CDH20: variants seen among roughly 807,000 people sequenced by gnomAD.
The protein encoded by CDH20 is cadherin 20.
A neutral mutation model predicts 74.2 loss-of-function variants in CDH20; 29 were observed. That is an observed-to-expected ratio of 0.39 (90% CI 0.29 to 0.53). CDH20 has a LOEUF of 0.53. Among genes scored for constraint, CDH20 ranks in the 20% least tolerant of loss-of-function variants. The pLI, the probability that CDH20 is intolerant of heterozygous loss-of-function variation, is 0.69. For missense variants in CDH20, 988 were observed against 1,048.3 expected, an observed-to-expected ratio of 0.94 and a Z score of 0.79; for synonymous variants, 469 against 405.4, an observed-to-expected ratio of 1.16 and a Z score of -1.88.
At chr18:61,375,708 G>A (rs1911199439) in intron 1 of CDH20, among the ~76,000 whole-genome samples, 1 of 151,990 alleles carries the variant, frequency 6.6e-6, no homozygotes, top group African/African-American at 2.4e-5. Context: ...TCCCTAGGAG[G>A]TACTATTCAT....
chr18:61,341,892 T>C (rs749203736), intron 1 of CDH20, among the ~76,000 whole-genome samples: 1 of 152,238 alleles, frequency 6.6e-6, no homozygotes, highest in Non-Finnish European at 1.5e-5. Flanking sequence ...TCTACCTTTA[T>C]GCTTAGCTGA....
At chr18:61,345,190 G>T (rs2144099562) in intron 1 of CDH20, among the ~76,000 whole-genome samples, 1 of 152,310 alleles carries the variant, frequency 6.6e-6, no homozygotes, top group Admixed American at 6.5e-5. Flanking sequence ...GCTTTCTAAA[G>T]TTATTGCTGC....
intron 1 of CDH20, among the ~76,000 whole-genome samples, chr18:61,343,519 C>A (rs922879507): frequency 1.3e-5 from 2 of 152,094 alleles, no homozygotes; most frequent in African/African-American, 4.8e-5. Flanking sequence ...TTTAGATACC[C>A]AGTGTTTCCA....
chr18:61,396,501 C>G (rs1386260069), intron 1 of CDH20, among the ~76,000 whole-genome samples: 1 of 152,088 alleles, frequency 6.6e-6, no homozygotes, highest in Admixed American at 6.6e-5. Flanking sequence ...CTGATATTTC[C>G]AGAATCAACA....
Position 61,554,434 on chromosome 18 carries a change from G to A in CDH20, c.2145G>A (p.Thr715=), listed in dbSNP as rs35315610. 805 of 1,613,314 alleles carry A rather than the reference G, an allele frequency of 5.0e-4. 8 individuals are homozygous for A. The African/African-American group carries it at 8.8e-3, about 18-fold the overall frequency. ...GCCTCTCCCGCTACGTGCCTCAGAC[G>A]TGCGCAGTGAACAGCACTGTCCACA... ...IESLSRYVPQ[T]CAVNSTVHSY... The change falls in exon 12 of 12, where the codon ACG becomes ACA. Residue 715 remains threonine, a synonymous_variant. Transcript: ENST00000262717.
chr18:61,465,910 A>G (rs907499052), intron 1 of CDH20, among the ~76,000 whole-genome samples: 1 of 151,968 alleles, frequency 6.6e-6, no homozygotes, highest in Non-Finnish European at 1.5e-5. Flanking sequence ...AAATTTACAA[A>G]TTAGCCAGGC....
At chr18:61,531,252 G>T (rs562337986) in intron 7 of CDH20, among the ~76,000 whole-genome samples, 3 of 152,198 alleles carry the variant, frequency 2.0e-5, no homozygotes, top group South Asian at 2.1e-4. Context: ...ATGCTGTCAG[G>T]GGTCCTGTGG....
Position 61,507,442 on chromosome 18 carries a change from A to C in CDH20, c.899A>C (p.Asp300Ala). Residue 300 changes from aspartate to alanine, a missense_variant, in exon 6 of 12, where the codon GAC becomes GCC. Asp to Ala is a moderately radical substitution (Grantham distance 126). This residue lies in a region of CDH20 where 613 missense variants were observed against 755.2 expected (regional missense o/e 0.81). Transcript: ENST00000262717. Reference protein sequence around the residue: ...SSTVGRVFAKDLDEGINAEMK... With the variant: ...SSTVGRVFAKALDEGINAEMK... ...ACTGTCGGGAGAGTGTTTGCCAAGG[A>C]CTTGGATGAAGGCATCAATGCAGAG... is the stretch of plus-strand genomic sequence containing the variant. 1 of 1,614,122 alleles carries C rather than the reference A, an allele frequency of 6.2e-7. No individual in the cohort carries two copies. Among genetic ancestry groups the C allele is most frequent in the Non-Finnish European group, 8.5e-7 (1 of 1,179,988 alleles).
chr18:61,550,075 C>G lies in CDH20; in HGVS notation c.1746C>G (p.Pro582=), dbSNP rs771034659. ...TCCTGATAGCAGATAGCGGGCAGCC[C>G]GTGCTGAGCAGCACAGGCACACTGA... The part of the protein sequence containing the change: ...LPILIADSGQ[P]VLSSTGTLTI... The change falls in exon 11 of 12, where the codon CCC becomes CCG. Residue 582 remains proline (P), a synonymous_variant. Transcript: ENST00000262717. The G allele has an allele frequency of 6.2e-7, 1 of 1,614,158 alleles. No homozygotes were observed. The highest frequency in any genetic ancestry group is 1.7e-5 in the Admixed American group (1 of 60,028).
At chr18:61,388,247 A>C (rs1599052105) in intron 1 of CDH20, among the ~76,000 whole-genome samples, 1 of 152,190 alleles carries the variant, frequency 6.6e-6, no homozygotes, top group East Asian at 1.9e-4. Context: ...TTCCAAGAGA[A>C]AGATCAGCAT....
intron 1 of CDH20, among the ~76,000 whole-genome samples, chr18:61,478,198 CAAA>C (rs56057785): frequency 2.9e-5 from 3 of 104,178 alleles, no homozygotes; most frequent in Non-Finnish European, 2.0e-5. Flanking sequence ...GACTCTGTCT[CAAA>C]AAAAAAAAAA....
chr18:61,359,150 T>C (rs1910600420), intron 1 of CDH20, among the ~76,000 whole-genome samples: 2 of 152,208 alleles, frequency 1.3e-5, no homozygotes, highest in Admixed American at 1.3e-4. Context: ...GTTTTGTTTC[T>C]GATTCCAACT....
chr18:61,403,941 T>C (rs1022543717), intron 1 of CDH20, among the ~76,000 whole-genome samples: 2 of 152,154 alleles, frequency 1.3e-5, no homozygotes, highest in African/African-American at 4.8e-5. Context: ...GGGACATGGA[T>C]GGAGGTGGAA....
chr18:61,423,986 C>T (rs896631318), intron 1 of CDH20, among the ~76,000 whole-genome samples: 2 of 152,158 alleles, frequency 1.3e-5, no homozygotes, highest in Non-Finnish European at 2.9e-5. Context: ...TACCCTTCTT[C>T]GCTTCCTACG....
At chr18:61,419,880 A>G (rs777064241) in intron 1 of CDH20, among the ~76,000 whole-genome samples, 1 of 152,178 alleles carries the variant, frequency 6.6e-6, no homozygotes, top group Non-Finnish European at 1.5e-5. Context: ...AGATCTTAAT[A>G]TTTTGTGAGT....
chr18:61,466,598 T>C lies in CDH20; in HGVS notation c.-152-23804T>C, dbSNP rs972325602. On this transcript the variant is annotated intron_variant, in intron 1 of 11. Coordinates refer to ENST00000262717, the MANE Select transcript of CDH20 (RefSeq NM_031891.4). ...AGAGGATTAAGTCCATGGAAATCTC[T>C]CAATGGTTTTTCCTTGGATCCACAA... Among the ~76,000 whole-genome samples the C allele has an allele frequency of 1.2e-4, 18 of 152,282 alleles. 1 individual carries two copies. The highest frequency in any genetic ancestry group is 1.0e-3 in the South Asian group (5 of 4,816).
chr18:61,396,119 A>G (rs1004093417), intron 1 of CDH20, among the ~76,000 whole-genome samples: 4 of 151,680 alleles, frequency 2.6e-5, no homozygotes, highest in Non-Finnish European at 4.4e-5. Flanking sequence ...TAAATTAGGA[A>G]CAAGCACCAT....
chr18:61,554,701 G>T lies in CDH20; in HGVS notation c.*6G>T. 1.3e-6 allele frequency: 2 copies of T among 1,553,030 alleles called. No individual in the cohort carries two copies. Among genetic ancestry groups the T allele is most frequent in the Non-Finnish European group, 8.7e-7 (1 of 1,149,328 alleles). ...GACCCGCGCCGCTGTGGTGACGGAA[G>T]CCAGGAGGCAGGCGCGCGTCCAAAT... On this transcript the variant is annotated 3_prime_UTR_variant, in exon 12 of 12. Coordinates refer to ENST00000262717, the MANE Select transcript of CDH20 (RefSeq NM_031891.4).
intron 1 of CDH20, among the ~76,000 whole-genome samples, chr18:61,391,034 C>G (rs746814038): frequency 6.6e-6 from 1 of 151,864 alleles, no homozygotes; most frequent in Non-Finnish European, 1.5e-5. Flanking sequence ...AATAGGAAAC[C>G]CTGTCAACAA....
Sources: allele counts gnomAD v4.1 joint callset (sites outside exome capture counted in the v4.1 genomes callset), GRCh38; gene constraint gnomAD v4.1.1; regional missense constraint gnomAD v4.1.1; transcripts MANE v1.5; gene names NCBI Gene and HGNC (gene_info 2026-07-23, HGNC 2026-07-21).